ROBO1: variants seen among roughly 807,000 people sequenced by gnomAD.
ROBO1 encodes the protein roundabout homolog 1.
Under a neutral mutation model 195.9 loss-of-function variants are expected in ROBO1, and 149 were observed. The ratio of observed to expected loss-of-function variants is 0.76; its 90% confidence interval spans 0.67 to 0.87. ROBO1 has a LOEUF of 0.87. ROBO1 is among the 40% of genes least tolerant of loss of function. The pLI is 0.00. For missense variants in ROBO1, 1,933 were observed against 2,068.3 expected, an observed-to-expected ratio of 0.93 and a Z score of 1.27; for synonymous variants, 816 against 733.2, an observed-to-expected ratio of 1.11 and a Z score of -1.82.
chr3:79,155,879 C>G (rs903502687), intron 2 of ROBO1, among the ~76,000 whole-genome samples: 1 of 151,768 alleles, frequency 6.6e-6, no homozygotes, highest in Non-Finnish European at 1.5e-5. Flanking sequence ...ATTTTCAACA[C>G]TGACTCCAAC....
chr3:79,174,401 C>T (rs962649078), intron 2 of ROBO1, among the ~76,000 whole-genome samples: 9 of 151,936 alleles, frequency 5.9e-5, no homozygotes, highest in African/African-American at 2.2e-4. Context: ...GAAGAAACTC[C>T]GAACACATCC....
chr3:79,442,990 C>T lies in ROBO1; in HGVS notation c.88+146834G>A, dbSNP rs368000146. On this transcript the variant is annotated intron_variant, in intron 2 of 30. Coordinates refer to ENST00000464233, the MANE Select transcript of ROBO1 (RefSeq NM_002941.4). ...GTCCTAAGAATTTGAAACAAACATT[C>T]TATTAAGTTCAGATGTCTTTGTCAT... Among the ~76,000 whole-genome samples the T allele has an allele frequency of 6.6e-4, 100 of 152,260 alleles. 2 individuals are homozygous for T. In the South Asian group the frequency reaches 0.019, roughly 29 times the overall value.
At chr3:79,171,956 A>G (rs2081176167) in intron 2 of ROBO1, among the ~76,000 whole-genome samples, 1 of 152,138 alleles carries the variant, frequency 6.6e-6, no homozygotes. Context: ...ATTTACAACC[A>G]TAAAACTGAT....
At chr3:78,674,801 T>C (rs1326566654) in intron 10 of ROBO1, among the ~76,000 whole-genome samples, 1 of 152,200 alleles carries the variant, frequency 6.6e-6, no homozygotes, top group African/African-American at 2.4e-5. Flanking sequence ...TATTTGAGAC[T>C]ACTTTAGCAT....
chr3:78,774,606 TA>T (rs35336201), intron 4 of ROBO1, among the ~76,000 whole-genome samples: 421 of 53,682 alleles, frequency 7.8e-3, no homozygotes, highest in Admixed American at 0.013. Context: ...ATGTTTTTAA[TA>T]AAAAAAAAAA....
chr3:78,770,516 C>T (rs1010391501), intron 4 of ROBO1, among the ~76,000 whole-genome samples: 2 of 152,140 alleles, frequency 1.3e-5, no homozygotes, highest in Non-Finnish European at 1.5e-5. Flanking sequence ...CTTATAGATT[C>T]TGAATACAAG....
At chr3:79,247,407 G>A (rs1206116678) in intron 2 of ROBO1, among the ~76,000 whole-genome samples, 1 of 150,514 alleles carries the variant, frequency 6.6e-6, no homozygotes. Context: ...TAAAGCAATC[G>A]AACAAAGGAA....
intron 1 of ROBO1, among the ~76,000 whole-genome samples, chr3:79,614,472 A>G (rs1334093041): frequency 6.6e-6 from 1 of 152,160 alleles, no homozygotes; most frequent in Non-Finnish European, 1.5e-5. Flanking sequence ...TAGCACTTAG[A>G]GTAAAATTTA....
chr3:79,202,851 G>A (rs1433881422), intron 2 of ROBO1, among the ~76,000 whole-genome samples: 2 of 152,022 alleles, frequency 1.3e-5, no homozygotes, highest in Non-Finnish European at 2.9e-5. Flanking sequence ...TCATTCACAA[G>A]CTATAAAATT....
At chr3:79,574,484 A>G (rs1394639831) in intron 2 of ROBO1, among the ~76,000 whole-genome samples, 1 of 152,140 alleles carries the variant, frequency 6.6e-6, no homozygotes, top group East Asian at 1.9e-4. Context: ...AAAACATACT[A>G]TAAATTAATA....
At chr3:79,266,111 C>A (rs2029922065) in intron 2 of ROBO1, among the ~76,000 whole-genome samples, 1 of 151,476 alleles carries the variant, frequency 6.6e-6, no homozygotes, top group Non-Finnish European at 1.5e-5. Context: ...ATTATATGCA[C>A]ATGTATATAA....
intron 3 of ROBO1, among the ~76,000 whole-genome samples, chr3:79,113,911 C>T (rs1158243127): frequency 6.6e-6 from 1 of 152,124 alleles, no homozygotes; most frequent in Non-Finnish European, 1.5e-5. Flanking sequence ...GGCTGCGTCC[C>T]CACCTAAATC....
chr3:79,061,250 A>C (rs1027820306), intron 3 of ROBO1, among the ~76,000 whole-genome samples: 1 of 152,214 alleles, frequency 6.6e-6, no homozygotes. Flanking sequence ...TCCCATGCAC[A>C]ATTACTACAA....
intron 4 of ROBO1, among the ~76,000 whole-genome samples, chr3:78,850,002 C>T (rs1161069212): frequency 6.6e-6 from 1 of 152,098 alleles, no homozygotes; most frequent in Non-Finnish European, 1.5e-5. Flanking sequence ...TAAACATATA[C>T]TTACCATTGT....
chr3:79,117,141 C>T (rs1335229895), intron 3 of ROBO1, among the ~76,000 whole-genome samples: 1 of 151,882 alleles, frequency 6.6e-6, no homozygotes, highest in Admixed American at 6.6e-5. Flanking sequence ...CCAAGGTGGG[C>T]GGATTGCCCG....
Position 79,105,011 on chromosome 3 carries a change from A to G in ROBO1, c.172+20445T>C, listed in dbSNP as rs76669641. On this transcript the variant is annotated intron_variant, in intron 3 of 30. Coordinates refer to ENST00000464233, the MANE Select transcript of ROBO1 (RefSeq NM_002941.4). ...CATGAATGCAAATTTAAAGACACATAAAAAGTAGCTTAAGATGTATTAAAA... is the reference window on the plus strand; with the variant it reads ...CATGAATGCAAATTTAAAGACACATGAAAAGTAGCTTAAGATGTATTAAAA... 8.1e-3 allele frequency among the ~76,000 whole-genome samples: 1,231 copies of G among 151,844 alleles called. 19 individuals carry two copies. The highest frequency in any genetic ancestry group is 0.028 in the African/African-American group (1,180 of 41,518).
intron 2 of ROBO1, among the ~76,000 whole-genome samples, chr3:79,589,044 T>C (rs1223365157): frequency 6.6e-6 from 1 of 151,694 alleles, no homozygotes; most frequent in East Asian, 1.9e-4. Context: ...CATAGTATGG[T>C]CTAACAAAAC....
At chr3:78,708,027 A>T (rs2081594827) in intron 8 of ROBO1, among the ~76,000 whole-genome samples, 1 of 152,186 alleles carries the variant, frequency 6.6e-6, no homozygotes, top group South Asian at 2.1e-4. Flanking sequence ...TGGGAACATG[A>T]TCACTCTGGT....
intron 1 of ROBO1, among the ~76,000 whole-genome samples, chr3:79,668,103 T>G (rs1461372856): frequency 6.6e-6 from 1 of 151,908 alleles, no homozygotes; most frequent in East Asian, 1.9e-4. Context: ...TGACAAAGTC[T>G]GTTTTTAAAA....
Sources: gnomAD v4.1 joint callset for allele counts (sites outside exome capture counted in the v4.1 genomes callset) on GRCh38, gnomAD v4.1.1 for gene constraint, MANE v1.5 for transcripts, NCBI Gene and HGNC (gene_info 2026-07-23, HGNC 2026-07-21) for gene names.